The following TESC variants were observed in gnomAD, a reference collection of about 807,000 sequenced individuals.
TESC encodes calcineurin B homologous protein 3.
In TESC, 19 loss-of-function variants were observed where a neutral mutation model predicts 31.0. That is an observed-to-expected ratio of 0.61 (90% CI 0.43 to 0.90). The LOEUF (loss-of-function observed/expected upper bound fraction) is 0.90. Among genes scored for constraint, TESC ranks in the 40% least tolerant of loss-of-function variants. The pLI, the probability that TESC is intolerant of heterozygous loss-of-function variation, is 0.00. For synonymous variants in TESC, 109 were observed against 114.8 expected (o/e 0.95, Z 0.32); for missense variants, 248 against 303.8 (o/e 0.82, Z 1.36).
chr12:117,044,882 G>C (rs558470800), intron 6 of TESC, among the ~76,000 whole-genome samples: 13 of 151,356 alleles, frequency 8.6e-5, no homozygotes, highest in African/African-American at 3.2e-4. Flanking sequence ...GGGCGGCAGA[G>C]TAAGACTTGG....
chr12:117,056,747 G>T, intron 3 of TESC, 59 bp downstream of exon 3: 1 of 1,548,078 alleles, frequency 6.5e-7, no homozygotes, highest in Non-Finnish European at 8.9e-7. Flanking sequence ...CAAGTATCCC[G>T]AGATGTTACA....
intron 1 of TESC, among the ~76,000 whole-genome samples, chr12:117,075,981 A>G (rs1373343067): frequency 4.1e-5 from 5 of 120,912 alleles, no homozygotes; most frequent in Non-Finnish European, 8.4e-5. Context: ...GTATATATAT[A>G]TATATTTTTT....
rs534812600 is a variant in TESC at position 117,056,336 on chromosome 12, C to T, written c.209+470G>A. Among the ~76,000 whole-genome samples the T allele has an allele frequency of 5.6e-4, 78 of 140,266 alleles. 2 individuals carry two copies. The highest frequency in any genetic ancestry group is 1.3e-3 in the Admixed American group (19 of 14,580). 92.0% of individuals were successfully genotyped at this position (140,266 alleles called of 152,430 possible). On this transcript the variant is annotated intron_variant, in intron 3 of 7. Transcript: ENST00000335209. The stretch of plus-strand genomic sequence containing the variant: ...CCTCCCAAAGTGCTGGGATTACAGG[C>T]GTGAGCCACTGTGCCCAGCCTTAAA...
intron 1 of TESC, among the ~76,000 whole-genome samples, chr12:117,078,847 T>C (rs1057011432): frequency 3.3e-5 from 5 of 152,260 alleles, no homozygotes; most frequent in African/African-American, 1.2e-4. Flanking sequence ...AATGTATATG[T>C]ATTAGTCTTG....
At chr12:117,055,380 T>A (rs1210936042) in intron 3 of TESC, among the ~76,000 whole-genome samples, 1 of 152,168 alleles carries the variant, frequency 6.6e-6, no homozygotes. Flanking sequence ...TGACCTCAAG[T>A]GATCTGCCGG....
intron 6 of TESC, 181 bp downstream of exon 6, chr12:117,046,378 G>A (rs1048425554): frequency 2.7e-5 from 17 of 631,928 alleles, no homozygotes; most frequent in Non-Finnish European, 4.6e-5. Context: ...GCTCTCTGGG[G>A]ACTTGGACCT....
At chr12:117,039,796 C>G (rs1954455256) in intron 7 of TESC, among the ~76,000 whole-genome samples, 1 of 152,228 alleles carries the variant, frequency 6.6e-6, no homozygotes, top group South Asian at 2.1e-4. Context: ...CATTTCTACC[C>G]AAAGATCACA....
chr12:117,077,855 C>T (rs1178935698), intron 1 of TESC, among the ~76,000 whole-genome samples: 1 of 151,930 alleles, frequency 6.6e-6, no homozygotes, highest in Non-Finnish European at 1.5e-5. Context: ...TCTAGATCTC[C>T]GTACACTTTA....
intron 2 of TESC, among the ~76,000 whole-genome samples, chr12:117,074,834 A>T (rs961189634): frequency 2.6e-5 from 4 of 152,220 alleles, no homozygotes; most frequent in Non-Finnish European, 4.4e-5. Flanking sequence ...GTTTGGGAAC[A>T]TCTTGTCTTA....
rs1227609845 is a variant in TESC at position 117,040,355 on chromosome 12, G to C, written c.568-1145C>G. The stretch of plus-strand genomic sequence containing the variant: ...GGCAACATGGTCGCTGAGGGCATTG[G>C]AAGGAATCAGGGAATGGGAAGGGCC... On this transcript the variant is annotated intron_variant, in intron 7 of 7. Coordinates refer to ENST00000335209, the MANE Select transcript of TESC (RefSeq NM_017899.4). Among the ~76,000 whole-genome samples, 8 of 152,330 alleles carry C rather than the reference G, an allele frequency of 5.3e-5. No homozygotes were observed. The East Asian group carries it at 1.5e-3, about 29-fold the overall frequency.
chr12:117,052,567 A>G (rs904433894), intron 3 of TESC, among the ~76,000 whole-genome samples: 1 of 152,122 alleles, frequency 6.6e-6, no homozygotes, highest in African/African-American at 2.4e-5. Flanking sequence ...GGTTTCTCTA[A>G]GAAGCAGCCA....
chr12:117,075,869 A>G (rs11068317), intron 1 of TESC, among the ~76,000 whole-genome samples: 14,264 of 30,598 alleles, frequency 0.47, 1,892 homozygotes, highest in African/African-American at 0.52. Flanking sequence ...ATATATATAT[A>G]TGTGTGTATA....
chr12:117,049,125 A>G lies in TESC; in HGVS notation c.243T>C (p.Asp81=), dbSNP rs373277209. The G allele has an allele frequency of 1.3e-5, 20 of 1,594,516 alleles. No individual in the cohort carries two copies. The South Asian group carries it at 2.1e-4, about 17-fold the overall frequency. The change falls in exon 4 of 8, where the codon GAT becomes GAC. Residue 81 remains aspartate (D), a synonymous_variant. Transcript: ENST00000335209. The stretch of plus-strand genomic sequence containing the variant: ...TCAGGAAGTCCTCGAAATTGATCTC[A>G]TCAGCCAGGCCACTGGGTCCCTTGC... ...NLRKGPSGLA[D]EINFEDFLTI...
chr12:117,045,809 A>G (rs974802346), intron 6 of TESC, among the ~76,000 whole-genome samples: 3 of 152,220 alleles, frequency 2.0e-5, no homozygotes, highest in African/African-American at 7.2e-5. Context: ...GGGGCCATCC[A>G]AACCCCTCAG....
At chr12:117,081,108 G>C (rs552787423) in intron 1 of TESC, among the ~76,000 whole-genome samples, 11 of 152,292 alleles carry the variant, frequency 7.2e-5, no homozygotes, top group Admixed American at 1.3e-4. Context: ...TGGAGATGGA[G>C]GTGAACTGTC....
At chr12:117,062,156 A>C (rs1954807913) in intron 2 of TESC, among the ~76,000 whole-genome samples, 2 of 152,168 alleles carry the variant, frequency 1.3e-5, no homozygotes, top group Non-Finnish European at 2.9e-5. Flanking sequence ...CTATTCTAAG[A>C]GCTTTACATT....
rs148715435 is a variant in TESC at position 117,074,092 on chromosome 12, G to A, written c.128+1179C>T. On this transcript the variant is annotated intron_variant, in intron 2 of 7. Coordinates refer to ENST00000335209, the MANE Select transcript of TESC (RefSeq NM_017899.4). ...CTTTAAAAAATTAGCTGGTGTGGTG[G>A]TGCATGGCTGTAGTCCCAGCACTTT... Among the ~76,000 whole-genome samples, 825 of 152,148 alleles carry A rather than the reference G, an allele frequency of 5.4e-3. 7 individuals are homozygous for A. The highest frequency in any genetic ancestry group is 0.019 in the African/African-American group (789 of 41,512).
chr12:117,049,207 T>G (rs977982079), intron 3 of TESC, 49 bp from the exon 4 acceptor site: 2 of 1,611,664 alleles, frequency 1.2e-6, no homozygotes, highest in Non-Finnish European at 1.7e-6. Context: ...GAACTGGATC[T>G]TGTCCTCTTG....
intron 2 of TESC, among the ~76,000 whole-genome samples, chr12:117,061,904 C>G (rs1954804839): frequency 6.6e-6 from 1 of 152,140 alleles, no homozygotes; most frequent in African/African-American, 2.4e-5. Context: ...CGTGATTTCT[C>G]ATATGTAAAA....
Sources: allele counts gnomAD v4.1 joint callset (sites outside exome capture counted in the v4.1 genomes callset), GRCh38; gene constraint gnomAD v4.1.1; transcripts MANE v1.5; gene names NCBI Gene and HGNC (gene_info 2026-07-23, HGNC 2026-07-21).